Variants in BLTP2 observed in about 807,000 individuals in gnomAD.
BLTP2 encodes bridge-like lipid transfer protein family member 2.
At chr17:28,622,423 G>A in the BLTP2 span, among the ~76,000 whole-genome samples, 4 of 151,970 alleles carry the variant, frequency 2.6e-5, no homozygotes, top group African/African-American at 4.8e-5. Context: ...CAGCCAGGGA[G>A]GTGAAAAGAG....
chr17:28,627,302 T>C, the BLTP2 span, among the ~76,000 whole-genome samples: 1 of 152,166 alleles, frequency 6.6e-6, no homozygotes, highest in East Asian at 1.9e-4. Flanking sequence ...ACCCCATTTC[T>C]ACATGTTCAA....
chr17:28,642,196 C>A, the BLTP2 span: 3 of 1,579,312 alleles, frequency 1.9e-6, no homozygotes, highest in Admixed American at 3.3e-5. Context: ...GTCAAAGAAC[C>A]TAGGATGTAA....
the BLTP2 span, chr17:28,631,584 A>G: frequency 6.2e-7 from 1 of 1,614,160 alleles, no homozygotes; most frequent in Non-Finnish European, 8.5e-7. Flanking sequence ...CATTCTCTTC[A>G]GTGGGTGAGG....
At chr17:28,621,583 A>C in the BLTP2 span, 1 of 943,034 alleles carries the variant, frequency 1.1e-6, no homozygotes, top group Non-Finnish European at 1.7e-6. Context: ...TCCATGTTTC[A>C]AGTAGTTACA....
the BLTP2 span, among the ~76,000 whole-genome samples, chr17:28,637,337 T>C: frequency 1.3e-5 from 2 of 152,242 alleles, no homozygotes; most frequent in Admixed American, 6.5e-5. Context: ...TTAACCTAAC[T>C]AGATTCGGCA....
At chr17:28,630,465 GTTTTTTT>G in the BLTP2 span, among the ~76,000 whole-genome samples, 3 of 93,020 alleles carry the variant, frequency 3.2e-5, no homozygotes, top group Middle Eastern at 0.023. Context: ...AGCCCCCACT[GTTTTTTT>G]TTTTTTTTTT....
the BLTP2 span, among the ~76,000 whole-genome samples, chr17:28,631,029 T>G: frequency 6.6e-6 from 1 of 152,240 alleles, no homozygotes; most frequent in Non-Finnish European, 1.5e-5. Flanking sequence ...TGAGAAACCT[T>G]ACCAGGGACT....
chr17:28,637,204 C>T, the BLTP2 span: 37 of 1,576,438 alleles, frequency 2.3e-5, no homozygotes, highest in African/African-American at 3.4e-4. Flanking sequence ...CCTTGGTTCC[C>T]GGCTCTCAAA....
the BLTP2 span, chr17:28,632,239 G>A: frequency 6.3e-7 from 1 of 1,591,842 alleles, no homozygotes; most frequent in African/African-American, 1.3e-5. Context: ...CTGGGATATT[G>A]CTGCAAAGAG....
At chr17:28,620,826 T>G in the BLTP2 span, among the ~76,000 whole-genome samples, 10 of 152,192 alleles carry the variant, frequency 6.6e-5, no homozygotes, top group Non-Finnish European at 1.0e-4. Context: ...GAATAGAGGT[T>G]ATTTTCTCAT....
chr17:28,616,039 T>C, the BLTP2 span: 1 of 1,388,438 alleles, frequency 7.2e-7, no homozygotes, highest in Non-Finnish European at 1.0e-6. The surrounding 1 kb of genome is among the most constrained non-coding windows in gnomAD (Gnocchi z 4.8). Flanking sequence ...ATAGAATCTC[T>C]GATCTTATCT....
At chr17:28,643,912 C>T in the BLTP2 span, 1 of 1,108,666 alleles carries the variant, frequency 9.0e-7, no homozygotes, top group Non-Finnish European at 1.3e-6. Context: ...CTCCAACTAG[C>T]TCTAAGATCA....
the BLTP2 span, among the ~76,000 whole-genome samples, chr17:28,630,387 A>G: frequency 2.7e-5 from 4 of 150,386 alleles, no homozygotes; most frequent in Non-Finnish European, 5.9e-5. Context: ...CAAACTCCTG[A>G]GCTCAAGCAA....
the BLTP2 span, among the ~76,000 whole-genome samples, chr17:28,622,113 C>T: frequency 6.6e-6 from 1 of 152,112 alleles, no homozygotes; most frequent in Non-Finnish European, 1.5e-5. Flanking sequence ...GGAAAGAGTT[C>T]ACCCACAAAA....
the BLTP2 span, chr17:28,614,938 G>A: frequency 1.2e-6 from 1 of 835,364 alleles, no homozygotes; most frequent in Non-Finnish European, 1.9e-6. Context: ...AGGTGCTGAA[G>A]AGTGATGCCT....
chr17:28,637,811 A>C, the BLTP2 span: 16 of 1,606,432 alleles, frequency 1.0e-5, no homozygotes, highest in Non-Finnish European at 1.3e-5. Context: ...AGCACACTTC[A>C]GTATAGACTC....
At chr17:28,621,825 A>G in the BLTP2 span, among the ~76,000 whole-genome samples, 1 of 152,142 alleles carries the variant, frequency 6.6e-6, no homozygotes, top group Non-Finnish European at 1.5e-5. Flanking sequence ...TTTCTCACAC[A>G]TTTTGGTATT....
the BLTP2 span, chr17:28,620,649 C>G: frequency 6.2e-7 from 1 of 1,611,614 alleles, no homozygotes; most frequent in East Asian, 2.2e-5. Context: ...TTGTTAGCAG[C>G]TAAATAAAAG....
chr17:28,626,386 T>C, the BLTP2 span, among the ~76,000 whole-genome samples: 1 of 152,226 alleles, frequency 6.6e-6, no homozygotes, highest in Non-Finnish European at 1.5e-5. Context: ...CTGTGAAATA[T>C]ATATTTGGTC....
Sources: allele counts gnomAD v4.1 joint callset (sites outside exome capture counted in the v4.1 genomes callset), GRCh38; gene constraint gnomAD v4.1.1; non-coding constraint Gnocchi (gnomAD v3.1); transcripts MANE v1.5; gene names NCBI Gene and HGNC (gene_info 2026-07-23, HGNC 2026-07-21).